The following PTP4A3 variants were observed in gnomAD, a reference collection of about 807,000 sequenced individuals.
The protein encoded by PTP4A3 is protein tyrosine phosphatase 4A3, also known as protein tyrosine phosphatase type IVA 3.
A neutral mutation model predicts 15.2 loss-of-function variants in PTP4A3; 9 were observed. The observed-to-expected ratio is 0.59, with a 90% CI of 0.36 to 1.03. PTP4A3 has a LOEUF of 1.03. Among genes scored for constraint, PTP4A3 ranks in the 50% least tolerant of loss-of-function variants. The pLI, the probability that PTP4A3 is intolerant of heterozygous loss-of-function variation, is 0.02. For synonymous variants in PTP4A3, 95 were observed against 102.0 expected, an observed-to-expected ratio of 0.93 and a Z score of 0.41; for missense variants, 234 against 252.1, an observed-to-expected ratio of 0.93 and a Z score of 0.49.
intron 1 of PTP4A3, among the ~76,000 whole-genome samples, chr8:141,411,450 C>T (rs1832866237): frequency 6.6e-6 from 1 of 152,220 alleles, no homozygotes; most frequent in Non-Finnish European, 1.5e-5. Flanking sequence ...CCCTATCCCC[C>T]TGGGCCTCAG....
chr8:141,413,948 G>T (rs974126569), intron 1 of PTP4A3, among the ~76,000 whole-genome samples: 1 of 152,242 alleles, frequency 6.6e-6, no homozygotes, highest in African/African-American at 2.4e-5. Context: ...GAGGATTCGG[G>T]CTCACGGTGT....
In PTP4A3 at chr8:141,422,357, C is replaced by T. The variant is rs769055803; in HGVS notation, c.105+12C>T. Reference sequence around the variant, plus strand: ...GCACCTTCATTGAGGTGAGTGGAGACGGAGGTGTGGCAGGCAGGTGGCCCA... The same window carrying T: ...GCACCTTCATTGAGGTGAGTGGAGATGGAGGTGTGGCAGGCAGGTGGCCCA... On this transcript the variant is annotated intron_variant, in intron 2 of 5. Coordinates refer to ENST00000521578, the MANE Select transcript of PTP4A3 (RefSeq NM_032611.3). The T allele has an allele frequency of 1.8e-5, 29 of 1,612,998 alleles. No individual in the cohort carries two copies. The highest frequency in any genetic ancestry group is 5.5e-5 in the South Asian group (5 of 91,082).
At position 141,427,840 on chromosome 8, in the gene PTP4A3, G is replaced by A. The variant is rs1457801189; in HGVS notation, c.404+16G>A. ...TCATCCGCCAGTGAGTGGCCGCGGT[G>A]GTGGGGTGGGCTGTGAGCGCTGGGG... On this transcript the variant is annotated intron_variant, in intron 5 of 5. Coordinates refer to ENST00000521578, the MANE Select transcript of PTP4A3 (RefSeq NM_032611.3). The A allele has an allele frequency of 2.6e-6, 4 of 1,547,484 alleles. No individual in the cohort carries two copies. Among genetic ancestry groups the A allele is most frequent in the Non-Finnish European group, 3.5e-6 (4 of 1,145,180 alleles).
chr8:141,402,146 C>T lies in PTP4A3; in HGVS notation c.-854+10062C>T, dbSNP rs1023928974. Among the ~76,000 whole-genome samples, 30 of 152,126 alleles carry T rather than the reference C, an allele frequency of 2.0e-4. 1 individual carries two copies. Among genetic ancestry groups the T allele is most frequent in the Admixed American group, 1.4e-3 (21 of 15,288 alleles). On this transcript the variant is annotated intron_variant, in intron 1 of 5. Coordinates refer to ENST00000521578, the MANE Select transcript of PTP4A3 (RefSeq NM_032611.3). ...TGCAGCCTCTAGAAACATTGGAGGC[C>T]GCCCTGGGTGACGGGTCTGAGGCTG...
chr8:141,413,869 G>GACAGGACATGGAGGATTCAGGGCTCT (rs1832938645), intron 1 of PTP4A3, among the ~76,000 whole-genome samples: 4 of 152,208 alleles, frequency 2.6e-5, no homozygotes, highest in African/African-American at 9.7e-5. Context: ...GAAAGATGCG[G>GACAGGACATGGAGGATTCAGGGCTCT]TATGGACAGG....
intron 1 of PTP4A3, among the ~76,000 whole-genome samples, chr8:141,395,057 G>A (rs1832407976): frequency 6.6e-6 from 1 of 152,230 alleles, no homozygotes. Context: ...CTGAGCAGAG[G>A]GTGGAGGGTC....
chr8:141,429,242 C>T (rs577147238), intron 5 of PTP4A3, among the ~76,000 whole-genome samples: 9 of 152,396 alleles, frequency 5.9e-5, no homozygotes, highest in African/African-American at 2.2e-4. Flanking sequence ...ACACGGGGCA[C>T]CTGCAGCTTT....
rs776318337 is a variant in PTP4A3, at chr8:141,431,028, G to A, written c.506G>A (p.Arg169Gln). ...AAAGACCCACACACGCACAAGACCC[G>A]GTGCTGCGTTATGTAGCTCAGGACC... ...RFKDPHTHKT[R>Q]CCVM The change falls in exon 6 of 6, where the codon CGG becomes CAG. Residue 169 changes from arginine (R) to glutamine (Q), a missense_variant. Transcript: ENST00000521578. 6.8e-6 allele frequency: 11 copies of A among 1,613,150 alleles called. No individual in the cohort carries two copies. Among genetic ancestry groups the A allele is most frequent in the African/African-American group, 2.7e-5 (2 of 75,044 alleles).
chr8:141,428,522 C>A (rs377600407), intron 5 of PTP4A3, among the ~76,000 whole-genome samples: 1 of 152,214 alleles, frequency 6.6e-6, no homozygotes, highest in East Asian at 1.9e-4. Flanking sequence ...TGGTACTCCT[C>A]GGACAGGCTT....
intron 1 of PTP4A3, among the ~76,000 whole-genome samples, chr8:141,398,479 A>G (rs7005985): frequency 0.46 from 69,194 of 152,038 alleles, 19,610 homozygotes; most frequent in African/African-American, 0.8. Context: ...AGTGGCAGGA[A>G]CCAGGGAATG....
Position 141,421,921 on chromosome 8 carries a change from T to C in PTP4A3, c.-320T>C, listed in dbSNP as rs1399077785. ...TTGCCTCTTTATGACTATCCAGCTC[T>C]GAGAGACGGGAGTTTGGAGTTGCCC... On this transcript the variant is annotated 5_prime_UTR_variant, in exon 2 of 6. The change abolishes the stop of an existing upstream ORF in the 5' untranslated region. Transcript: ENST00000521578. 1 of 370,444 alleles carries C rather than the reference T, an allele frequency of 2.7e-6. No homozygotes were observed. Among genetic ancestry groups the C allele is most frequent in the Non-Finnish European group, 4.9e-6 (1 of 206,016 alleles). 22.9% of individuals were successfully genotyped at this position (370,444 alleles called of 1,614,324 possible).
Position 141,406,831 on chromosome 8 carries a change from G to A in PTP4A3, c.-853-14557G>A, listed in dbSNP as rs1456445895. Among the ~76,000 whole-genome samples, 1 of 152,206 alleles carries A rather than the reference G, an allele frequency of 6.6e-6. No individual in the cohort carries two copies. Among genetic ancestry groups the A allele is most frequent in the Non-Finnish European group, 1.5e-5 (1 of 68,040 alleles). The stretch of plus-strand genomic sequence containing the variant: ...CTCTGAGCCGGCTTTGCCTCCTGCT[G>A]TTCCCACTGAGCGAATTAAATAAGT... On this transcript the variant is annotated intron_variant, in intron 1 of 5. Transcript: ENST00000521578. The surrounding 1 kb of genome is among the most constrained non-coding windows in gnomAD (Gnocchi z 4.5).
At chr8:141,407,517 G>A (rs1310510966) in intron 1 of PTP4A3, among the ~76,000 whole-genome samples, 1 of 152,004 alleles carries the variant, frequency 6.6e-6, no homozygotes, top group Admixed American at 6.5e-5. Context: ...AGCCAGCAGC[G>A]CGGCCCAGGA....
rs909648916 is a variant in PTP4A3 at position 141,431,409 on chromosome 8, C to T, written c.*365C>T. 4 of 278,688 alleles carry T rather than the reference C, an allele frequency of 1.4e-5. No individual in the cohort carries two copies. The highest frequency in any genetic ancestry group is 2.7e-5 in the Non-Finnish European group (4 of 148,724). 17.3% of individuals were successfully genotyped at this position (278,688 alleles called of 1,614,324 possible). A position where few individuals can be genotyped will look rare whatever the true frequency, so the allele number is the denominator to read the frequency against. ...GTATATTTTGTAACCACTGGGCCCC[C>T]AGCCCCTCTTTTGCGACCCCTTGTC... On this transcript the variant is annotated 3_prime_UTR_variant, in exon 6 of 6. Transcript: ENST00000521578.
rs1833145181 is a variant in PTP4A3 at position 141,418,214 on chromosome 8, C to T, written c.-853-3174C>T. Among the ~76,000 whole-genome samples the T allele has an allele frequency of 5.3e-5, 8 of 152,210 alleles. 1 individual carries two copies. The highest frequency in any genetic ancestry group is 4.6e-4 in the Admixed American group (7 of 15,294). On this transcript the variant is annotated intron_variant, in intron 1 of 5. Coordinates refer to ENST00000521578, the MANE Select transcript of PTP4A3 (RefSeq NM_032611.3). ...AGAGCGCCCGCCTCAGCCCTGACCGCGGCGCAGCTTACTTCTCCTGAGACC... is the reference window on the plus strand; with the variant it reads ...AGAGCGCCCGCCTCAGCCCTGACCGTGGCGCAGCTTACTTCTCCTGAGACC...
At chr8:141,396,518 C>G (rs1457274304) in intron 1 of PTP4A3, among the ~76,000 whole-genome samples, 1 of 152,208 alleles carries the variant, frequency 6.6e-6, no homozygotes, top group Non-Finnish European at 1.5e-5. Flanking sequence ...TCTCACCGAG[C>G]CCACAGCCCT....
chr8:141,407,170 C>T (rs1414271119), intron 1 of PTP4A3, among the ~76,000 whole-genome samples: 1 of 152,244 alleles, frequency 6.6e-6, no homozygotes, highest in Non-Finnish European at 1.5e-5. Context: ...TGCCTGCCTG[C>T]CCTGTGTCCC....
chr8:141,430,851 T>C, intron 5 of PTP4A3, 76 bp from the exon 6 acceptor site: 1 of 1,444,714 alleles, frequency 6.9e-7, no homozygotes, highest in Non-Finnish European at 9.7e-7. Flanking sequence ...CACTCTCAGA[T>C]TCCAGCTCCC....
At chr8:141,418,271 C>A (rs1833148702) in intron 1 of PTP4A3, among the ~76,000 whole-genome samples, 1 of 152,244 alleles carries the variant, frequency 6.6e-6, no homozygotes, top group African/African-American at 2.4e-5. Context: ...CCTCCTCCCC[C>A]AAAATCACAG....
Sources: gnomAD v4.1 joint callset for allele counts (sites outside exome capture counted in the v4.1 genomes callset) on GRCh38, gnomAD v4.1.1 for gene constraint, Gnocchi (gnomAD v3.1) non-coding constraint, MANE v1.5 for transcripts, NCBI Gene and HGNC (gene_info 2026-07-23, HGNC 2026-07-21) for gene names.